ARSG: variants seen among roughly 807,000 people sequenced by gnomAD.
ARSG encodes the protein arylsulfatase G.
Under a neutral mutation model 50.5 loss-of-function variants are expected in ARSG, and 37 were observed. The ratio of observed to expected loss-of-function variants is 0.73; its 90% CI spans 0.56 to 0.96. The LOEUF (loss-of-function observed/expected upper bound fraction) is 0.96, where lower values mean the gene tolerates loss of function less well. Ranked by LOEUF, ARSG falls within the 50% of genes least tolerant of loss-of-function variation. The probability of loss-of-function intolerance (pLI) is 0.00; values close to 1 mark genes in which losing one functional copy is unlikely to be tolerated. For missense variants in ARSG, 629 were observed against 675.3 expected (o/e 0.93, Z 0.76); for synonymous variants, 225 against 254.6 (o/e 0.88, Z 1.11).
chr17:68,415,603 G>C (rs2082315234), intron 11 of ARSG, among the ~76,000 whole-genome samples: 4 of 152,156 alleles, frequency 2.6e-5, no homozygotes, highest in Admixed American at 2.6e-4. Flanking sequence ...GACCTGTCTA[G>C]TGCTGTCAGT....
At chr17:68,263,741 C>A (rs2075108997) in intron 1 of ARSG, among the ~76,000 whole-genome samples, 1 of 152,220 alleles carries the variant, frequency 6.6e-6, no homozygotes, top group South Asian at 2.1e-4. Context: ...TGAGCCACAA[C>A]ACCTGGCCAC....
chr17:68,439,517 G>A, the ARSG span, among the ~76,000 whole-genome samples: 7,199 of 152,182 alleles, frequency 0.047, 180 homozygotes, highest in Middle Eastern at 0.099. Flanking sequence ...ACAAGGTTTG[G>A]GGCGATGAAA....
At chr17:68,338,779 A>T (rs1286447803) in intron 2 of ARSG, among the ~76,000 whole-genome samples, 1 of 152,214 alleles carries the variant, frequency 6.6e-6, no homozygotes, top group Non-Finnish European at 1.5e-5. Flanking sequence ...TCGTAGTTCA[A>T]GCTAAAAAAT....
intron 2 of ARSG, among the ~76,000 whole-genome samples, chr17:68,313,359 A>G (rs1403488337): frequency 6.6e-6 from 1 of 152,204 alleles, no homozygotes; most frequent in Admixed American, 6.5e-5. Flanking sequence ...AGGCTCTGAC[A>G]GAGAATCCAT....
intron 6 of ARSG, among the ~76,000 whole-genome samples, chr17:68,363,692 C>A (rs1225912346): frequency 1.3e-5 from 2 of 152,038 alleles, no homozygotes; most frequent in African/African-American, 2.4e-5. Flanking sequence ...GTCTCGAACT[C>A]CTGACCTTAG....
At chr17:68,408,824 G>T (rs1355050411) in intron 11 of ARSG, among the ~76,000 whole-genome samples, 1 of 151,904 alleles carries the variant, frequency 6.6e-6, no homozygotes, top group Admixed American at 6.6e-5. Context: ...ATTCTAACTG[G>T]TGTGAGATGG....
Position 68,343,769 on chromosome 17 carries a change from G to A in ARSG, c.384G>A (p.Ala128=), listed in dbSNP as rs1161350123. The change falls in exon 3 of 12, where the codon GCG becomes GCA. Residue 128 remains alanine (A), a synonymous_variant. Transcript: ENST00000621439. Reference sequence around the variant, plus strand: ...CCTTGGCAGAGGTGCTGCAGCAGGCGGGTTACGTCACTGGGATAATAGGTA... The same window carrying A: ...CCTTGGCAGAGGTGCTGCAGCAGGCAGGTTACGTCACTGGGATAATAGGTA... ...ETTLAEVLQQ[A]GYVTGIIGKW... 8 of 1,613,326 alleles carry A rather than the reference G, an allele frequency of 5.0e-6. No homozygotes were observed. Among genetic ancestry groups the A allele is most frequent in the Admixed American group, 1.7e-5 (1 of 59,892 alleles).
At chr17:68,359,220 G>A (rs2079174263) in intron 6 of ARSG, among the ~76,000 whole-genome samples, 1 of 152,052 alleles carries the variant, frequency 6.6e-6, no homozygotes. Flanking sequence ...AAACAAAAAA[G>A]CAAAAACAAA....
the ARSG span, chr17:68,448,492 G>A: frequency 1.3e-5 from 2 of 152,158 alleles, no homozygotes; most frequent in Admixed American, 6.5e-5. Flanking sequence ...TCTTTAGAAG[G>A]TGGGGGAGGA....
intron 2 of ARSG, among the ~76,000 whole-genome samples, chr17:68,320,462 A>T (rs1307163958): frequency 6.6e-6 from 1 of 152,206 alleles, no homozygotes; most frequent in Non-Finnish European, 1.5e-5. Flanking sequence ...GAAAAGACCC[A>T]GACCTGATTC....
In ARSG at chr17:68,281,573, C is replaced by CAAAT. The variant is rs549607371; in HGVS notation, c.-552+22167_-552+22170dup. On this transcript the variant is annotated intron_variant, in intron 1 of 11. Coordinates refer to the ARSG transcript ENST00000448504. Reference sequence around the variant, plus strand: ...CTGGTGACACAGCGAGACTCTGTCTCAAATAAATAAATAAATAAATAAAAT... The same window carrying CAAAT: ...CTGGTGACACAGCGAGACTCTGTCTCAAATAAATAAATAAATAAATAAATAAAAT... Among the ~76,000 whole-genome samples the CAAAT allele has an allele frequency of 1.9e-3, 285 of 151,866 alleles. 3 individuals are homozygous for CAAAT. The East Asian group carries it at 0.039, about 21-fold the overall frequency.
chr17:68,272,704 C>G, intron 1 of ARSG: 1 of 1,614,170 alleles, frequency 6.2e-7, no homozygotes, highest in Non-Finnish European at 8.5e-7. Flanking sequence ...TATGGAACGT[C>G]TTTTGCCAAA....
chr17:68,332,766 G>A lies in ARSG; in HGVS notation c.219-10838G>A, dbSNP rs985868568. Among the ~76,000 whole-genome samples, 15 of 152,126 alleles carry A rather than the reference G, an allele frequency of 9.9e-5. No individual in the cohort carries two copies. The South Asian group carries it at 2.1e-3, about 21-fold the overall frequency. ...TGCCATGGCTTCAGCCAGTCCCTCC[G>A]TTCGGGGTCCCTGACTTCCTGCAAC... On this transcript the variant is annotated intron_variant, in intron 2 of 11. Coordinates refer to ENST00000621439, the MANE Select transcript of ARSG (RefSeq NM_001267727.2).
chr17:68,264,046 C>T (rs1418848230), intron 1 of ARSG, among the ~76,000 whole-genome samples: 3 of 151,866 alleles, frequency 2.0e-5, no homozygotes, highest in Non-Finnish European at 4.4e-5. Flanking sequence ...TTAGTAGAGA[C>T]AGGATTTCAC....
At chr17:68,385,236 G>T in intron 9 of ARSG, 64 bp downstream of exon 9, 2 of 1,453,470 alleles carry the variant, frequency 1.4e-6, no homozygotes, top group Non-Finnish European at 1.9e-6. Flanking sequence ...GGAGGCATGG[G>T]TGGCTAGATG....
chr17:68,332,944 A>C lies in ARSG; in HGVS notation c.219-10660A>C, dbSNP rs2077841477. ...ATGAAGCCAGGGGCAACAGAAGCTTATGACTTAATGTATGTGAAGTGCTTG... is the reference window on the plus strand; with the variant it reads ...ATGAAGCCAGGGGCAACAGAAGCTTCTGACTTAATGTATGTGAAGTGCTTG... On this transcript the variant is annotated intron_variant, in intron 2 of 11. Coordinates refer to ENST00000621439, the MANE Select transcript of ARSG (RefSeq NM_001267727.2). Among the ~76,000 whole-genome samples the C allele has an allele frequency of 2.0e-5, 3 of 152,366 alleles. No homozygotes were observed. The South Asian group carries it at 6.2e-4, about 32-fold the overall frequency.
chr17:68,291,039 A>G (rs1202761403), upstream of ARSG: 1 of 152,210 alleles, frequency 6.6e-6, no homozygotes, highest in Non-Finnish European at 1.5e-5. Flanking sequence ...AACAACCCAC[A>G]TCCCACAATC....
intron 6 of ARSG, among the ~76,000 whole-genome samples, chr17:68,362,250 C>T (rs2079326514): frequency 6.6e-6 from 1 of 151,800 alleles, no homozygotes; most frequent in Non-Finnish European, 1.5e-5. Context: ...TTGCCTCTCA[C>T]CCGGCTCCCA....
intron 2 of ARSG, among the ~76,000 whole-genome samples, chr17:68,327,485 T>C (rs1555772885): frequency 6.6e-6 from 1 of 152,182 alleles, no homozygotes; most frequent in Non-Finnish European, 1.5e-5. Flanking sequence ...GCTGGCATCA[T>C]TTTCATCTCT....
Sources: allele counts gnomAD v4.1 joint callset (sites outside exome capture counted in the v4.1 genomes callset), GRCh38; gene constraint gnomAD v4.1.1; transcripts MANE v1.5; gene names NCBI Gene and HGNC (gene_info 2026-07-23, HGNC 2026-07-21).